Variants in WDR25 observed in about 807,000 individuals in gnomAD.
WDR25 encodes the protein WD repeat domain 25, also known as WD repeat-containing protein 25.
WDR25 carries 35 observed loss-of-function variants against 47.7 expected under a neutral mutation model. The observed-to-expected ratio is 0.73, with a 90% CI of 0.56 to 0.97. The LOEUF (loss-of-function observed/expected upper bound fraction) is 0.97, where lower values mean the gene tolerates loss of function less well. WDR25 is among the 50% of genes least tolerant of loss of function. The pLI, the probability that WDR25 is intolerant of heterozygous loss-of-function variation, is 0.00. For synonymous variants in WDR25, 248 were observed against 278.9 expected (o/e 0.89, Z 1.10); for missense variants, 634 against 704.7 (o/e 0.90, Z 1.14).
At chr14:100,485,530 A>G (rs1290274943) in intron 4 of WDR25, among the ~76,000 whole-genome samples, 1 of 152,194 alleles carries the variant, frequency 6.6e-6, no homozygotes, top group Non-Finnish European at 1.5e-5. Context: ...CAGGATGTCT[A>G]TGGGGACTTG....
intron 2 of WDR25, among the ~76,000 whole-genome samples, chr14:100,414,146 C>T (rs1897798021): frequency 6.6e-6 from 1 of 151,566 alleles, no homozygotes; most frequent in South Asian, 2.1e-4. Flanking sequence ...CAGGCGTGCA[C>T]CACCACGCCT....
At chr14:100,469,530 G>A (rs1022166724) in intron 3 of WDR25, among the ~76,000 whole-genome samples, 1 of 152,204 alleles carries the variant, frequency 6.6e-6, no homozygotes, top group African/African-American at 2.4e-5. Context: ...AGCCATGTCT[G>A]TACAACTACA....
intron 2 of WDR25, among the ~76,000 whole-genome samples, chr14:100,408,525 C>G (rs984249014): frequency 2.6e-5 from 4 of 151,236 alleles, no homozygotes; most frequent in Admixed American, 6.6e-5. Flanking sequence ...CCCTCTGTGC[C>G]CCCCTCCAAT....
In WDR25 at chr14:100,525,730, G is replaced by T; in HGVS notation, c.1102-140G>T. Reference sequence around the variant, plus strand: ...GTCCATGATTCCATATATGGCTTGTGGGTGCTGCTCAGCCTGGGTGTGTGT... The same window carrying T: ...GTCCATGATTCCATATATGGCTTGTTGGTGCTGCTCAGCCTGGGTGTGTGT... On this transcript the variant is annotated intron_variant, in intron 4 of 6. Coordinates refer to ENST00000402312, the MANE Select transcript of WDR25 (RefSeq NM_001161476.3). The surrounding 1 kb of genome is among the most constrained non-coding windows in gnomAD (Gnocchi z 4.6). The T allele has an allele frequency of 1.1e-6, 1 of 937,840 alleles. No homozygotes were observed. The highest frequency in any genetic ancestry group is 1.6e-6 in the Non-Finnish European group (1 of 642,564). The allele number at this position is 937,840 out of a possible 1,614,324, so 58.1% of individuals were successfully genotyped here.
At chr14:100,497,015 A>G (rs929658166) in intron 4 of WDR25, among the ~76,000 whole-genome samples, 16 of 151,494 alleles carry the variant, frequency 1.1e-4, no homozygotes, top group African/African-American at 3.9e-4. Context: ...TTTGTATTTA[A>G]TAGAGATGGG....
At chr14:100,466,152 T>C (rs890770623) in intron 2 of WDR25, among the ~76,000 whole-genome samples, 3 of 152,232 alleles carry the variant, frequency 2.0e-5, no homozygotes, top group Non-Finnish European at 2.9e-5. Context: ...CTGTGTCTTC[T>C]GGCTGTGTCG....
rs145459594 is a variant in WDR25 at position 100,473,399 on chromosome 14, G to A, written c.970+5231G>A. Among the ~76,000 whole-genome samples the A allele has an allele frequency of 8.7e-3, 1,329 of 152,308 alleles. 15 individuals carry two copies. Among genetic ancestry groups the A allele is most frequent in the African/African-American group, 0.03 (1,241 of 41,560 alleles). On this transcript the variant is annotated intron_variant, in intron 3 of 6. Transcript: ENST00000402312. ...GTAGAGCTCCTGCTGTTGAGGTATG[G>A]TGTGGCATGCCCTCCCCACGTCTGT...
chr14:100,389,789 G>T (rs192198369), intron 2 of WDR25, among the ~76,000 whole-genome samples: 43 of 152,234 alleles, frequency 2.8e-4, no homozygotes, highest in Non-Finnish European at 6.2e-4. Flanking sequence ...CTTTGCCAGG[G>T]CTTGTGGGGC....
rs1374091786 is a variant in WDR25 at position 100,502,759 on chromosome 14, A to AT, written c.1101+18639dup. Among the ~76,000 whole-genome samples, 4 of 152,150 alleles carry AT rather than the reference A, an allele frequency of 2.6e-5. No homozygotes were observed. The highest frequency in any genetic ancestry group is 2.6e-4 in the Admixed American group (4 of 15,278). ...AGACTCACAGAAGAAGGAGCTAATG[A>AT]TTTTGCTTGCCACATTGGGAGGCTT... On this transcript the variant is annotated intron_variant, in intron 4 of 6. Transcript: ENST00000402312. The surrounding 1 kb of genome is among the most constrained non-coding windows in gnomAD (Gnocchi z 4.5).
chr14:100,482,300 C>G (rs1055312964), intron 3 of WDR25, among the ~76,000 whole-genome samples: 4 of 152,106 alleles, frequency 2.6e-5, no homozygotes, highest in African/African-American at 4.8e-5. Context: ...CTGTTGCTCT[C>G]ACTAAAAATA....
rs143464051 is a variant in WDR25 at position 100,500,639 on chromosome 14, G to A, written c.1101+16515G>A. On this transcript the variant is annotated intron_variant, in intron 4 of 6. Transcript: ENST00000402312. This position sits in a 1 kb window ranked among gnomAD's most constrained non-coding sequence, Gnocchi z 4.7. ...AGTTTTGACGCTGGCTCAGCCAAGC[G>A]AGCCTCACCATCTCCATCTCTGTTC... Among the ~76,000 whole-genome samples the A allele has an allele frequency of 9.0e-4, 137 of 152,328 alleles. 2 individuals carry two copies. The highest frequency in any genetic ancestry group is 3.0e-3 in the African/African-American group (126 of 41,572).
intron 2 of WDR25, among the ~76,000 whole-genome samples, chr14:100,411,515 A>G (rs535876316): frequency 6.6e-6 from 1 of 150,444 alleles, no homozygotes; most frequent in Admixed American, 6.6e-5. Flanking sequence ...TCTGTTCCAC[A>G]TTGATTTTCA....
At chr14:100,381,802 A>G in intron 2 of WDR25, 56 bp downstream of exon 2, 1 of 1,398,284 alleles carries the variant, frequency 7.2e-7, no homozygotes, top group Non-Finnish European at 9.7e-7. Context: ...ACACTGCTGG[A>G]ATAATAGTGA....
rs1413843530 is a variant in WDR25 at position 100,529,549 on chromosome 14, T to TG, written c.1414-268dup. ...CAAGCCTTGCTGGGGTGGAAGGGGCTGGGTGCTTAGTGACTGTCACTGAGG... is the reference window on the plus strand; with the variant it reads ...CAAGCCTTGCTGGGGTGGAAGGGGCTGGGGTGCTTAGTGACTGTCACTGAGG... On this transcript the variant is annotated intron_variant, in intron 6 of 6. Transcript: ENST00000402312. The surrounding 1 kb of genome is among the most constrained non-coding windows in gnomAD (Gnocchi z 5.1). 26 of 592,998 alleles carry TG rather than the reference T, an allele frequency of 4.4e-5. No homozygotes were observed. The highest frequency in any genetic ancestry group is 7.8e-5 in the Non-Finnish European group (26 of 335,088). The allele number at this position is 592,998 out of a possible 1,614,324, so 36.7% of individuals were successfully genotyped here.
Position 100,425,299 on chromosome 14 carries a change from G to T in WDR25, c.823-42722G>T, listed in dbSNP as rs369382979. On this transcript the variant is annotated intron_variant, in intron 2 of 6. Transcript: ENST00000402312. This position sits in a 1 kb window ranked among gnomAD's most constrained non-coding sequence, Gnocchi z 4.8. ...CACCCCATGGGCCTAAGCTGTAACGGGGCAGGGCTGTCACTTGCACTGACT... is the reference window on the plus strand; with the variant it reads ...CACCCCATGGGCCTAAGCTGTAACGTGGCAGGGCTGTCACTTGCACTGACT... Among the ~76,000 whole-genome samples the T allele has an allele frequency of 4.6e-5, 7 of 152,202 alleles. No homozygotes were observed. In the East Asian group the frequency reaches 9.6e-4, roughly 21 times the overall value.
intron 4 of WDR25, among the ~76,000 whole-genome samples, chr14:100,490,336 A>G (rs1012350149): frequency 2.0e-5 from 3 of 152,242 alleles, no homozygotes; most frequent in Non-Finnish European, 4.4e-5. Flanking sequence ...AATGACTGAT[A>G]GCTCTAATCA....
rs987911817 is a variant in WDR25, at chr14:100,440,032, C to A, written c.823-27989C>A. Among the ~76,000 whole-genome samples, 6 of 152,150 alleles carry A rather than the reference C, an allele frequency of 3.9e-5. No individual in the cohort carries two copies. The highest frequency in any genetic ancestry group is 7.4e-5 in the Non-Finnish European group (5 of 68,022). ...AAGGAAAGGATCCATTGTTAAGAAA[C>A]AAACATGGGAAACTGTCATGTGAGC... is the stretch of plus-strand genomic sequence containing the variant. On this transcript the variant is annotated intron_variant, in intron 2 of 6. Coordinates refer to ENST00000402312, the MANE Select transcript of WDR25 (RefSeq NM_001161476.3). This position sits in a 1 kb window ranked among gnomAD's most constrained non-coding sequence, Gnocchi z 4.4.
chr14:100,478,149 A>G (rs1000433883), intron 3 of WDR25, among the ~76,000 whole-genome samples: 1 of 152,224 alleles, frequency 6.6e-6, no homozygotes, highest in Non-Finnish European at 1.5e-5. Flanking sequence ...CCTTGGTTTT[A>G]GTTTGTAAAT....
At chr14:100,486,153 C>G (rs776975465) in intron 4 of WDR25, among the ~76,000 whole-genome samples, 4 of 152,006 alleles carry the variant, frequency 2.6e-5, no homozygotes, top group Non-Finnish European at 5.9e-5. Context: ...TTAGTCATAC[C>G]GTTTGAAGTG....
Sources: gnomAD v4.1 joint callset for allele counts (sites outside exome capture counted in the v4.1 genomes callset) on GRCh38, gnomAD v4.1.1 for gene constraint, Gnocchi (gnomAD v3.1) non-coding constraint, MANE v1.5 for transcripts, NCBI Gene and HGNC (gene_info 2026-07-23, HGNC 2026-07-21) for gene names.